ITPR1: variants seen among roughly 807,000 people sequenced by gnomAD.
ITPR1 encodes inositol 1,4,5-trisphosphate-gated calcium channel ITPR1.
In ITPR1, 96 loss-of-function variants were observed where a neutral mutation model predicts 318.4. That is an observed-to-expected ratio of 0.30 (90% confidence interval 0.26 to 0.36). The LOEUF is 0.36. ITPR1 is among the 10% of genes least tolerant of loss of function. ITPR1 has a pLI of 1.00. For synonymous variants in ITPR1, 1,312 were observed against 1,289.9 expected, an observed-to-expected ratio of 1.02 and a Z score of -0.37; for missense variants, 2,440 against 3,460.2, an observed-to-expected ratio of 0.71 and a Z score of 7.40.
At chr3:4,824,672 G>A (rs543080834) in intron 60 of ITPR1, among the ~76,000 whole-genome samples, 69 of 152,266 alleles carry the variant, frequency 4.5e-4, no homozygotes, top group African/African-American at 1.6e-3. Context: ...GCCCCTCTGC[G>A]GGTAGAGAGG....
intron 12 of ITPR1, among the ~76,000 whole-genome samples, chr3:4,656,649 A>G (rs958988652): frequency 1.3e-5 from 2 of 152,196 alleles, no homozygotes; most frequent in African/African-American, 4.8e-5. Context: ...GTGCTCCTGC[A>G]TTTCAGGCCC....
intron 4 of ITPR1, among the ~76,000 whole-genome samples, chr3:4,532,517 T>A (rs1420319593): frequency 1.3e-5 from 2 of 152,142 alleles, no homozygotes; most frequent in East Asian, 3.9e-4. Context: ...ATTACAGGCG[T>A]GTGTCACCAC....
intron 60 of ITPR1, among the ~76,000 whole-genome samples, chr3:4,825,431 G>T (rs1193625510): frequency 6.6e-6 from 1 of 152,184 alleles, no homozygotes; most frequent in Non-Finnish European, 1.5e-5. Flanking sequence ...TTTCCTGAGA[G>T]CTGCGGGTAA....
intron 10 of ITPR1, among the ~76,000 whole-genome samples, chr3:4,650,668 T>C (rs2093577440): frequency 6.6e-6 from 1 of 151,654 alleles, no homozygotes; most frequent in African/African-American, 2.4e-5. Context: ...TGTGTCTGTG[T>C]GTTTACCTTG....
At chr3:4,774,109 A>G (rs1207364244) in intron 46 of ITPR1, among the ~76,000 whole-genome samples, 1 of 152,208 alleles carries the variant, frequency 6.6e-6, no homozygotes, top group African/African-American at 2.4e-5. Flanking sequence ...TCCTTTTTCT[A>G]TATATTGGAA....
chr3:4,777,430 T>A, intron 48 of ITPR1, 56 bp downstream of exon 48: 1 of 1,119,192 alleles, frequency 8.9e-7, no homozygotes, highest in Non-Finnish European at 1.3e-6. Context: ...CTTTTGTGTT[T>A]TGCCTTGGCA....
intron 2 of ITPR1, among the ~76,000 whole-genome samples, chr3:4,499,952 G>A (rs1179071947): frequency 3.9e-5 from 6 of 152,176 alleles, no homozygotes; most frequent in African/African-American, 1.4e-4. Flanking sequence ...GTGGGTGTGA[G>A]ATGTTGGATG....
chr3:4,573,128 A>G (rs942058147), intron 4 of ITPR1, among the ~76,000 whole-genome samples: 4 of 152,264 alleles, frequency 2.6e-5, no homozygotes, highest in African/African-American at 9.6e-5. Context: ...TAGATTATAT[A>G]GTAGCTCTAC....
chr3:4,824,685 A>T (rs576383127), intron 60 of ITPR1, among the ~76,000 whole-genome samples: 1 of 152,186 alleles, frequency 6.6e-6, no homozygotes, highest in Admixed American at 6.5e-5. Flanking sequence ...TAGAGAGGAG[A>T]GTGGGAAAGA....
intron 61 of ITPR1, among the ~76,000 whole-genome samples, chr3:4,844,551 C>T (rs2051614110): frequency 6.6e-6 from 1 of 152,254 alleles, no homozygotes; most frequent in African/African-American, 2.4e-5. Context: ...CTGAGCTAAA[C>T]ATCTGAACTA....
chr3:4,820,910 GC>G (rs1399621363), intron 60 of ITPR1, among the ~76,000 whole-genome samples: 1 of 152,194 alleles, frequency 6.6e-6, no homozygotes, highest in Non-Finnish European at 1.5e-5. Context: ...GGGGGCTGGG[GC>G]CCCATGGGAC....
At chr3:4,704,189 G>C (rs1183002419) in intron 36 of ITPR1, among the ~76,000 whole-genome samples, 1 of 152,200 alleles carries the variant, frequency 6.6e-6, no homozygotes, top group Non-Finnish European at 1.5e-5. Context: ...GAGACGGGCA[G>C]ATCACCTGAG....
chr3:4,690,969 A>G (rs933166570), intron 31 of ITPR1, among the ~76,000 whole-genome samples, 175 bp from the exon 32 acceptor site: 7 of 151,868 alleles, frequency 4.6e-5, no homozygotes, highest in African/African-American at 1.5e-4. Flanking sequence ...TGTCAATGAA[A>G]AAAGCTTACT....
At chr3:4,630,098 TAAAAG>T (rs1181110203) in intron 5 of ITPR1, among the ~76,000 whole-genome samples, 1 of 152,028 alleles carries the variant, frequency 6.6e-6, no homozygotes, top group Non-Finnish European at 1.5e-5. Flanking sequence ...AAAGGAGAAA[TAAAAG>T]GAAAGTAATA....
chr3:4,705,024 T>TTG (rs757046507), intron 36 of ITPR1, among the ~76,000 whole-genome samples: 7 of 152,064 alleles, frequency 4.6e-5, no homozygotes, highest in African/African-American at 1.7e-4. Flanking sequence ...TTCCGCTAAA[T>TTG]TGTGTGTGTG....
chr3:4,618,225 C>CA (rs914292557), intron 4 of ITPR1, among the ~76,000 whole-genome samples: 23 of 152,068 alleles, frequency 1.5e-4, no homozygotes, highest in African/African-American at 5.1e-4. Flanking sequence ...AATTTCACCA[C>CA]AAAAAAGTCA....
At chr3:4,635,420 A>C (rs1009310904) in intron 5 of ITPR1, among the ~76,000 whole-genome samples, 2 of 152,050 alleles carry the variant, frequency 1.3e-5, no homozygotes, top group African/African-American at 2.4e-5. Context: ...GGCTCACTGC[A>C]AGCTCCACCT....
At chr3:4,774,531 A>C (rs1009634163) in intron 46 of ITPR1, among the ~76,000 whole-genome samples, 1 of 152,228 alleles carries the variant, frequency 6.6e-6, no homozygotes, top group Non-Finnish European at 1.5e-5. Flanking sequence ...AGCCTCTGAC[A>C]AAAATCTCCT....
chr3:4,640,548 C>T (rs1009131813), intron 6 of ITPR1, among the ~76,000 whole-genome samples: 2 of 152,178 alleles, frequency 1.3e-5, no homozygotes. Flanking sequence ...GAGTACAGGA[C>T]TTCCTGATTT....
Sources: gnomAD v4.1 joint callset for allele counts (sites outside exome capture counted in the v4.1 genomes callset) on GRCh38, gnomAD v4.1.1 for gene constraint, MANE v1.5 for transcripts, NCBI Gene and HGNC (gene_info 2026-07-23, HGNC 2026-07-21) for gene names.